Variants in TET3 observed in about 807,000 individuals in gnomAD.
TET3 encodes the protein tet methylcytosine dioxygenase 3.
TET3 carries 19 observed loss-of-function variants against 141.4 expected under a neutral mutation model. That is an observed-to-expected ratio of 0.13 (90% confidence interval 0.09 to 0.20). The LOEUF is 0.20. Ranked by LOEUF, TET3 falls within the 10% of genes least tolerant of loss-of-function variation. The probability of loss-of-function intolerance (pLI) is 1.00; values close to 1 mark genes in which losing one functional copy is unlikely to be tolerated. For missense variants in TET3, 1,874 were observed against 2,356.9 expected (o/e 0.80, Z 4.24); for synonymous variants, 1,043 against 980.9 (o/e 1.06, Z -1.18).
chr2:74,036,271 C>T (rs916041733), intron 3 of TET3, among the ~76,000 whole-genome samples: 1 of 152,212 alleles, frequency 6.6e-6, no homozygotes, highest in Non-Finnish European at 1.5e-5. Flanking sequence ...ACTAAATGTT[C>T]TTCCTCTTCA....
At position 74,093,459 on chromosome 2, in the gene TET3, C is replaced by G; in HGVS notation, c.3130-70C>G. On this transcript the variant is annotated intron_variant, in intron 9 of 11. Transcript: ENST00000409262. This position sits in a 1 kb window ranked among gnomAD's most constrained non-coding sequence, Gnocchi z 4.2. ...AACATCCCTCCTTCCAAGACCTGGC[C>G]TCCCCAGGTGCAGAATCGGGGCCAC... 6.7e-7 allele frequency: 1 copy of G among 1,485,486 alleles called. No homozygotes were observed. The highest frequency in any genetic ancestry group is 9.0e-7 in the Non-Finnish European group (1 of 1,110,178). 92.0% of individuals were successfully genotyped at this position (1,485,486 alleles called of 1,614,324 possible).
At chr2:74,124,297 TCTGGGAGGGAGGTGGGGGGTC>T in the TET3 span, among the ~76,000 whole-genome samples, 3 of 145,614 alleles carry the variant, frequency 2.1e-5, no homozygotes, top group African/African-American at 7.8e-5. Flanking sequence ...AGCCACCCCG[TCTGGGAGGGAGGTGGGGGGTC>T]AGCCCCTGCC....
At chr2:73,994,084 A>G (rs1322169106) in intron 2 of TET3, among the ~76,000 whole-genome samples, 1 of 152,198 alleles carries the variant, frequency 6.6e-6, no homozygotes, top group Admixed American at 6.5e-5. Context: ...AGTGAGTCCC[A>G]GTAAGACTCA....
the TET3 span, among the ~76,000 whole-genome samples, chr2:74,127,130 T>G: frequency 1.3e-5 from 2 of 152,198 alleles, no homozygotes; most frequent in Non-Finnish European, 2.9e-5. Context: ...TCTACATTCA[T>G]TATTGGCTCA....
intron 2 of TET3, among the ~76,000 whole-genome samples, chr2:74,002,496 G>A (rs1684905087): frequency 6.6e-6 from 1 of 151,940 alleles, no homozygotes. Context: ...GGCCGGGGGT[G>A]CCCTGGGATG....
intron 3 of TET3, among the ~76,000 whole-genome samples, chr2:74,007,367 T>C (rs1685202554): frequency 6.6e-6 from 1 of 152,198 alleles, no homozygotes; most frequent in African/African-American, 2.4e-5. Flanking sequence ...AGTCATTGTT[T>C]CCCGGATCTA....
intron 3 of TET3, among the ~76,000 whole-genome samples, chr2:74,032,508 T>TGTGTG (rs1491152838): frequency 2.3e-5 from 1 of 43,906 alleles, no homozygotes; most frequent in Non-Finnish European, 4.4e-5. Flanking sequence ...TGTGTGTGTG[T>TGTGTG]TAGGGGAGTT....
At chr2:74,045,301 G>A (rs1687559008) in intron 3 of TET3, among the ~76,000 whole-genome samples, 2 of 152,196 alleles carry the variant, frequency 1.3e-5, no homozygotes, top group Non-Finnish European at 2.9e-5. Flanking sequence ...TAATTTTAGA[G>A]ATGCTTTGAG....
intron 3 of TET3, among the ~76,000 whole-genome samples, chr2:74,042,022 C>T (rs943787522): frequency 2.0e-5 from 3 of 152,216 alleles, no homozygotes; most frequent in Non-Finnish European, 4.4e-5. Context: ...CCTTCTCTAT[C>T]ATTATTGATA....
chr2:74,001,078 C>T (rs1684827060), intron 2 of TET3, among the ~76,000 whole-genome samples: 2 of 152,180 alleles, frequency 1.3e-5, no homozygotes, highest in Non-Finnish European at 2.9e-5. Context: ...ATTGTTCCAC[C>T]TGAGCTGTGC....
At chr2:74,043,928 G>A (rs1054181899) in intron 3 of TET3, among the ~76,000 whole-genome samples, 5 of 152,278 alleles carry the variant, frequency 3.3e-5, no homozygotes, top group Non-Finnish European at 7.4e-5. Flanking sequence ...AGGAGGCTAA[G>A]GCCAGAGGAT....
rs1438194793 is a variant in TET3 at position 74,106,739 on chromosome 2, A to ATAAT, written c.*4565_*4568dup. On this transcript the variant is annotated 3_prime_UTR_variant, in exon 12 of 12. Transcript: ENST00000409262. The stretch of plus-strand genomic sequence containing the variant: ...CCATTTTGTGTCATCCACTGTCACA[A>ATAAT]TAATTTTTTTAAATACCTCAAAAAC... The ATAAT allele has an allele frequency of 6.5e-6, 1 of 153,784 alleles. No homozygotes were observed. The highest frequency in any genetic ancestry group is 2.4e-5 in the African/African-American group (1 of 41,452). 9.5% of individuals were successfully genotyped at this position (153,784 alleles called of 1,614,324 possible).
intron 3 of TET3, among the ~76,000 whole-genome samples, chr2:74,044,826 G>T (rs1687530892): frequency 6.6e-6 from 1 of 152,148 alleles, no homozygotes; most frequent in Non-Finnish European, 1.5e-5. Flanking sequence ...GAGAACAAGG[G>T]CATTCTCTTA....
chr2:74,047,051 C>G lies in TET3; in HGVS notation c.1134C>G (p.Pro378=). The G allele has an allele frequency of 6.2e-7, 1 of 1,613,996 alleles. No individual in the cohort carries two copies. The highest frequency in any genetic ancestry group is 1.3e-5 in the African/African-American group (1 of 75,054). Residue 378 remains proline (P), a synonymous_variant, in exon 4 of 12, where the codon CCC becomes CCG. Transcript: ENST00000409262. ...TCCCGCAGCCTTCTCATTCCACCCC[C>G]CAGGCTTCTTGCCCCCTTCCTGAGG... ...SALPQPSHST[P]QASCPLPEAL...
At chr2:74,050,655 T>C (rs2103726393) in intron 4 of TET3, among the ~76,000 whole-genome samples, 1 of 152,154 alleles carries the variant, frequency 6.6e-6, no homozygotes, top group South Asian at 2.1e-4. Flanking sequence ...GCTCAAGCAA[T>C]CCTCCCACCT....
At chr2:74,124,422 C>T in the TET3 span, among the ~76,000 whole-genome samples, 3,471 of 152,256 alleles carry the variant, frequency 0.023, 152 homozygotes, top group African/African-American at 0.079. Context: ...GCCGCCACCC[C>T]GTCTGGGAGG....
intron 2 of TET3, chr2:73,998,524 G>GA: frequency 6.6e-6 from 1 of 152,602 alleles, no homozygotes; most frequent in Admixed American, 6.5e-5. Flanking sequence ...TCTCCAAGGA[G>GA]AGAAGCATCT....
At chr2:74,039,760 T>C (rs1472300844) in intron 3 of TET3, among the ~76,000 whole-genome samples, 1 of 152,208 alleles carries the variant, frequency 6.6e-6, no homozygotes, top group Non-Finnish European at 1.5e-5. Context: ...TGATGGCAGC[T>C]GTTGGCTGGG....
In TET3 at chr2:74,061,010, G is replaced by T. The variant is rs376486497; in HGVS notation, c.2495-12539G>T. On this transcript the variant is annotated intron_variant, in intron 4 of 11. Coordinates refer to ENST00000409262, the MANE Select transcript of TET3 (RefSeq NM_001287491.2). The stretch of plus-strand genomic sequence containing the variant: ...AAAACCGCCACTGTCATCATGGCCC[G>T]TTCTCAATGAGCTGTTGGGCACACC... Among the ~76,000 whole-genome samples, 104 of 152,148 alleles carry T rather than the reference G, an allele frequency of 6.8e-4. 1 individual carries two copies. The highest frequency in any genetic ancestry group is 2.5e-3 in the African/African-American group (102 of 41,532).
Sources: allele counts gnomAD v4.1 joint callset (sites outside exome capture counted in the v4.1 genomes callset), GRCh38; gene constraint gnomAD v4.1.1; non-coding constraint Gnocchi (gnomAD v3.1); transcripts MANE v1.5; gene names NCBI Gene and HGNC (gene_info 2026-07-23, HGNC 2026-07-21).